Variants in CENPW observed in about 807,000 individuals in gnomAD.
CENPW encodes the protein centromere protein W, also known as cancer-up-regulated gene 2 protein.
Under a neutral mutation model 11.1 loss-of-function variants are expected in CENPW, and 3 were observed. The observed-to-expected ratio is 0.27, with a 90% CI of 0.12 to 0.70. The LOEUF (loss-of-function observed/expected upper bound fraction) is 0.70, where lower values mean the gene tolerates loss of function less well. Among genes scored for constraint, CENPW ranks in the 30% least tolerant of loss-of-function variants. The probability of loss-of-function intolerance (pLI) is 0.77; values close to 1 mark genes in which losing one functional copy is unlikely to be tolerated. For synonymous variants in CENPW, 38 were observed against 42.0 expected (o/e 0.91, Z 0.37); for missense variants, 100 against 105.6 (o/e 0.95, Z 0.23).
At chr6:126,444,736 A>G in the CENPW span, among the ~76,000 whole-genome samples, 2 of 151,282 alleles carry the variant, frequency 1.3e-5, no homozygotes, top group Middle Eastern at 3.4e-3. Context: ...GCATGCCTCT[A>G]TTATCTACAT....
chr6:126,357,030 G>C, the CENPW span, among the ~76,000 whole-genome samples: 2 of 152,190 alleles, frequency 1.3e-5, no homozygotes, highest in Non-Finnish European at 2.9e-5. Flanking sequence ...CCAATGTTGA[G>C]AAGGGTATTT....
the CENPW span, among the ~76,000 whole-genome samples, chr6:126,357,798 G>A: frequency 1.8e-4 from 28 of 152,032 alleles, no homozygotes; most frequent in African/African-American, 6.8e-4. Flanking sequence ...TAGTAGAGAC[G>A]GGGTTTCACC....
the CENPW span, among the ~76,000 whole-genome samples, chr6:126,385,705 C>T: frequency 6.6e-6 from 1 of 152,018 alleles, no homozygotes; most frequent in African/African-American, 2.4e-5. Context: ...TGAGATCTGA[C>T]AGTTTGATAA....
the CENPW span, among the ~76,000 whole-genome samples, chr6:126,416,139 G>A: frequency 6.6e-6 from 1 of 152,166 alleles, no homozygotes; most frequent in Non-Finnish European, 1.5e-5. Context: ...TGAGAAACTT[G>A]TTGGGAACTG....
At chr6:126,474,803 CTG>C in the CENPW span, among the ~76,000 whole-genome samples, 3 of 152,110 alleles carry the variant, frequency 2.0e-5, no homozygotes, top group Non-Finnish European at 2.9e-5. Flanking sequence ...CTAAAAGTAA[CTG>C]TGGAATCCAT....
chr6:126,457,475 C>G, the CENPW span, among the ~76,000 whole-genome samples: 1 of 151,392 alleles, frequency 6.6e-6, no homozygotes, highest in Non-Finnish European at 1.5e-5. Flanking sequence ...AAACCAAATA[C>G]TGTATGTTCA....
At chr6:126,364,951 T>C in the CENPW span, among the ~76,000 whole-genome samples, 3 of 152,206 alleles carry the variant, frequency 2.0e-5, no homozygotes, top group Non-Finnish European at 4.4e-5. Context: ...CACTTATTCA[T>C]AAATCAAGAA....
At chr6:126,366,298 G>A in the CENPW span, among the ~76,000 whole-genome samples, 4 of 151,890 alleles carry the variant, frequency 2.6e-5, no homozygotes, top group Non-Finnish European at 5.9e-5. Flanking sequence ...TATTTTATTA[G>A]CTTTTTTGCT....
At chr6:126,442,388 G>C in the CENPW span, among the ~76,000 whole-genome samples, 2 of 151,136 alleles carry the variant, frequency 1.3e-5, no homozygotes, top group Non-Finnish European at 3.0e-5. Context: ...ACACTAAAAA[G>C]CTTCTGCACA....
At chr6:126,419,601 A>T in the CENPW span, among the ~76,000 whole-genome samples, 3 of 152,178 alleles carry the variant, frequency 2.0e-5, no homozygotes, top group Non-Finnish European at 4.4e-5. Context: ...AACCAATAAC[A>T]TAACACAAAT....
chr6:126,403,666 CAGTA>C, the CENPW span, among the ~76,000 whole-genome samples: 1 of 151,980 alleles, frequency 6.6e-6, no homozygotes, highest in Middle Eastern at 3.4e-3. Flanking sequence ...CAAGATGAAA[CAGTA>C]AGTGCTGATA....
chr6:126,397,523 A>T, the CENPW span, among the ~76,000 whole-genome samples: 1 of 152,236 alleles, frequency 6.6e-6, no homozygotes, highest in South Asian at 2.1e-4. Flanking sequence ...AAAACCAGAT[A>T]TTATGATTGC....
At chr6:126,446,445 T>C in the CENPW span, among the ~76,000 whole-genome samples, 2 of 150,702 alleles carry the variant, frequency 1.3e-5, no homozygotes, top group Non-Finnish European at 3.0e-5. Flanking sequence ...ATTTGATTAC[T>C]GAGACAGACT....
chr6:126,439,556 T>C, the CENPW span, among the ~76,000 whole-genome samples: 3,800 of 151,720 alleles, frequency 0.025, 60 homozygotes, highest in Admixed American at 0.037. Context: ...ATTATTTCTT[T>C]ATTATATTGA....
the CENPW span, among the ~76,000 whole-genome samples, chr6:126,421,342 A>T: frequency 6.6e-6 from 1 of 152,018 alleles, no homozygotes; most frequent in Non-Finnish European, 1.5e-5. Flanking sequence ...CTTCATGTCT[A>T]CCTTAAAGAT....
chr6:126,480,664 C>T, the CENPW span, among the ~76,000 whole-genome samples: 6 of 151,942 alleles, frequency 3.9e-5, no homozygotes, highest in South Asian at 4.2e-4. Context: ...GAGGAAATGC[C>T]GTGGAATTAA....
chr6:126,373,609 G>A, the CENPW span, among the ~76,000 whole-genome samples: 1 of 152,196 alleles, frequency 6.6e-6, no homozygotes, highest in Non-Finnish European at 1.5e-5. Context: ...AGCTAGGCTA[G>A]AATGTTCAAG....
At chr6:126,434,423 A>C in the CENPW span, among the ~76,000 whole-genome samples, 1 of 152,102 alleles carries the variant, frequency 6.6e-6, no homozygotes, top group Non-Finnish European at 1.5e-5. Flanking sequence ...TTTGTGGCAT[A>C]TCATAATACA....
the CENPW span, among the ~76,000 whole-genome samples, chr6:126,419,159 C>T: frequency 2.6e-5 from 4 of 151,912 alleles, no homozygotes; most frequent in Admixed American, 2.0e-4. Flanking sequence ...TTACAAATAT[C>T]GAGGTAGATC....
Sources: allele counts gnomAD v4.1 joint callset (sites outside exome capture counted in the v4.1 genomes callset), GRCh38; gene constraint gnomAD v4.1.1; transcripts MANE v1.5; gene names NCBI Gene and HGNC (gene_info 2026-07-23, HGNC 2026-07-21).